The following OPCML variants were observed in gnomAD, a reference collection of about 807,000 sequenced individuals.
OPCML encodes the protein opioid binding protein/cell adhesion molecule like.
Under a neutral mutation model 37.8 loss-of-function variants are expected in OPCML, and 13 were observed. The ratio of observed to expected loss-of-function variants is 0.34; its 90% CI spans 0.22 to 0.55. The LOEUF (loss-of-function observed/expected upper bound fraction) is 0.55. Ranked by LOEUF, OPCML falls within the 20% of genes least tolerant of loss-of-function variation. OPCML has a pLI of 0.91. For synonymous variants in OPCML, 176 were observed against 168.8 expected (o/e 1.04, Z -0.33); for missense variants, 341 against 435.6 (o/e 0.78, Z 1.93).
intron 1 of OPCML, among the ~76,000 whole-genome samples, chr11:133,374,464 A>G (rs1944753397): frequency 6.6e-6 from 1 of 152,092 alleles, no homozygotes; most frequent in South Asian, 2.1e-4. Context: ...CGTGTAGTCT[A>G]TCGTGTGTCC....
At chr11:132,892,980 A>G (rs1342738317) in intron 2 of OPCML, among the ~76,000 whole-genome samples, 1 of 152,060 alleles carries the variant, frequency 6.6e-6, no homozygotes, top group Non-Finnish European at 1.5e-5. Context: ...CACAACTTCT[A>G]TTATACAAAG....
intron 1 of OPCML, among the ~76,000 whole-genome samples, chr11:133,153,846 G>A (rs56818011): frequency 0.27 from 40,550 of 151,968 alleles, 5,838 homozygotes; most frequent in African/African-American, 0.38. Context: ...AGTATCACAC[G>A]TGGGGGCTCC....
At chr11:132,716,377 T>C (rs1257023545) in intron 2 of OPCML, among the ~76,000 whole-genome samples, 2 of 150,022 alleles carry the variant, frequency 1.3e-5, no homozygotes, top group East Asian at 2.0e-4. Flanking sequence ...TGTCTGTCTG[T>C]CTATCTGTCT....
intron 1 of OPCML, among the ~76,000 whole-genome samples, chr11:133,258,534 A>G (rs905643728): frequency 6.6e-6 from 1 of 152,192 alleles, no homozygotes; most frequent in Non-Finnish European, 1.5e-5. Context: ...ACCAGAGGTT[A>G]TGATGATTGA....
intron 3 of OPCML, among the ~76,000 whole-genome samples, chr11:132,650,848 C>T (rs757260218): frequency 6.6e-5 from 10 of 152,164 alleles, no homozygotes; most frequent in South Asian, 4.2e-4. Flanking sequence ...TTTTAAGTAG[C>T]GGTTGAATAC....
chr11:132,934,371 C>G (rs968067721), intron 2 of OPCML, among the ~76,000 whole-genome samples: 1 of 152,130 alleles, frequency 6.6e-6, no homozygotes, highest in South Asian at 2.1e-4. Flanking sequence ...AGCTGTAAGG[C>G]AGGTAGGAAC....
rs542937885 is a variant in OPCML, at chr11:132,528,738, G to A, written c.505+323C>T. On this transcript the variant is annotated intron_variant, in intron 4 of 7. Coordinates refer to ENST00000524381, the MANE Select transcript of OPCML (RefSeq NM_001012393.5). ...CTAATACTCTTGCACTCTACTTCCAGGAAGAACAAACCACCAACTGACCCA... is the reference window on the plus strand; with the variant it reads ...CTAATACTCTTGCACTCTACTTCCAAGAAGAACAAACCACCAACTGACCCA... Among the ~76,000 whole-genome samples the A allele has an allele frequency of 1.2e-3, 184 of 152,214 alleles. 1 individual carries two copies. The highest frequency in any genetic ancestry group is 1.9e-3 in the Non-Finnish European group (127 of 68,000).
At chr11:133,512,704 T>A (rs915275292) in intron 1 of OPCML, among the ~76,000 whole-genome samples, 2 of 152,158 alleles carry the variant, frequency 1.3e-5, no homozygotes, top group African/African-American at 4.8e-5. Flanking sequence ...AAAAAGGTGT[T>A]CCTATCCTCC....
At chr11:132,469,431 G>A (rs1292287365) in intron 4 of OPCML, among the ~76,000 whole-genome samples, 1 of 151,058 alleles carries the variant, frequency 6.6e-6, no homozygotes, top group South Asian at 2.1e-4. Flanking sequence ...ATGTGTGTAT[G>A]TGTGTGTGAA....
chr11:132,760,395 G>A (rs749526306), intron 2 of OPCML, among the ~76,000 whole-genome samples: 8 of 151,970 alleles, frequency 5.3e-5, no homozygotes, highest in East Asian at 1.9e-4. Context: ...ATTGACAGTC[G>A]AGTGTTAAAG....
chr11:132,754,989 T>G (rs961602557), intron 2 of OPCML, among the ~76,000 whole-genome samples: 8 of 152,208 alleles, frequency 5.3e-5, no homozygotes, highest in African/African-American at 1.9e-4. Context: ...TGTACCACAC[T>G]AATGTGTATT....
intron 1 of OPCML, chr11:133,302,022 A>C (rs1160943685): frequency 6.6e-6 from 1 of 152,194 alleles, no homozygotes; most frequent in Non-Finnish European, 1.5e-5. Context: ...AGAAGATGTT[A>C]ATCAATCCAA....
intron 2 of OPCML, among the ~76,000 whole-genome samples, chr11:132,798,103 G>A (rs1938437622): frequency 6.6e-6 from 1 of 151,910 alleles, no homozygotes; most frequent in African/African-American, 2.4e-5. Context: ...TTATTTTTGA[G>A]ACAGTCTTTC....
chr11:133,084,493 G>A (rs184491801), intron 1 of OPCML, among the ~76,000 whole-genome samples: 130 of 152,324 alleles, frequency 8.5e-4, no homozygotes, highest in Admixed American at 1.1e-3. Flanking sequence ...TATTGACGCA[G>A]GCATCTCTTG....
At chr11:133,275,818 G>T (rs992824293) in intron 1 of OPCML, among the ~76,000 whole-genome samples, 1 of 152,124 alleles carries the variant, frequency 6.6e-6, no homozygotes, top group Non-Finnish European at 1.5e-5. Context: ...AGTAATTGTT[G>T]GAGCTGCTAC....
chr11:132,888,197 T>C (rs1362856770), intron 2 of OPCML, among the ~76,000 whole-genome samples: 1 of 152,100 alleles, frequency 6.6e-6, no homozygotes, highest in Non-Finnish European at 1.5e-5. Flanking sequence ...TTTCTGTCAC[T>C]AAGATGGCCA....
intron 3 of OPCML, among the ~76,000 whole-genome samples, chr11:132,573,118 A>AT (rs1473990167): frequency 6.6e-6 from 1 of 151,800 alleles, no homozygotes; most frequent in East Asian, 1.9e-4. Context: ...ACTTTACAGA[A>AT]TTTGTTTATT....
At chr11:132,636,374 G>A (rs916402906) in intron 3 of OPCML, among the ~76,000 whole-genome samples, 3 of 152,168 alleles carry the variant, frequency 2.0e-5, no homozygotes, top group African/African-American at 7.2e-5. Flanking sequence ...TTAGGTAGAA[G>A]AAAGGGCCTA....
chr11:132,561,009 G>C (rs886270353), intron 3 of OPCML, among the ~76,000 whole-genome samples: 6 of 152,162 alleles, frequency 3.9e-5, no homozygotes, highest in African/African-American at 1.4e-4. Context: ...GTCTAGAAGA[G>C]TTTTTCTGAT....
Sources: gnomAD v4.1 joint callset for allele counts (sites outside exome capture counted in the v4.1 genomes callset) on GRCh38, gnomAD v4.1.1 for gene constraint, MANE v1.5 for transcripts, NCBI Gene and HGNC (gene_info 2026-07-23, HGNC 2026-07-21) for gene names.